STPG2: variants seen among roughly 807,000 people sequenced by gnomAD.
The protein encoded by STPG2 is sperm-tail PG-rich repeat-containing protein 2.
STPG2 carries 56 observed loss-of-function variants against 54.2 expected under a neutral mutation model. The ratio of observed to expected loss-of-function variants is 1.03; its 90% CI spans 0.83 to 1.29. The LOEUF (loss-of-function observed/expected upper bound fraction) is 1.29. STPG2 is among the 50% of genes most tolerant of loss of function. STPG2 has a pLI of 0.00. For synonymous variants in STPG2, 200 were observed against 181.8 expected, an observed-to-expected ratio of 1.10 and a Z score of -0.81; for missense variants, 596 against 544.9, an observed-to-expected ratio of 1.09 and a Z score of -0.93.
intron 8 of STPG2, among the ~76,000 whole-genome samples, chr4:97,845,574 A>G (rs1728924957): frequency 6.6e-6 from 1 of 152,170 alleles, no homozygotes; most frequent in Non-Finnish European, 1.5e-5. Context: ...ACATTTTAAA[A>G]CTATTGACCG....
chr4:97,965,627 T>C (rs1734070207), intron 7 of STPG2, among the ~76,000 whole-genome samples: 1 of 152,192 alleles, frequency 6.6e-6, no homozygotes, highest in African/African-American at 2.4e-5. Flanking sequence ...GGTGCCCCTC[T>C]GGGACGAAGC....
intron 5 of STPG2, among the ~76,000 whole-genome samples, chr4:98,078,714 C>T (rs1247250154): frequency 2.0e-5 from 3 of 152,054 alleles, no homozygotes; most frequent in African/African-American, 7.2e-5. Flanking sequence ...GTGCTTGCCA[C>T]CACAGAAAGA....
chr4:98,087,354 A>G (rs1364148324), intron 5 of STPG2, among the ~76,000 whole-genome samples: 1 of 152,144 alleles, frequency 6.6e-6, no homozygotes, highest in African/African-American at 2.4e-5. Flanking sequence ...CCCAGCTTCT[A>G]TTAAAAGCCC....
At chr4:97,993,491 G>A (rs1357509794) in intron 5 of STPG2, among the ~76,000 whole-genome samples, 1 of 151,682 alleles carries the variant, frequency 6.6e-6, no homozygotes, top group East Asian at 1.9e-4. Context: ...GTATTTTGTT[G>A]AGGATTTTTG....
intron 9 of STPG2, among the ~76,000 whole-genome samples, chr4:97,821,128 G>T (rs1728077966): frequency 6.6e-6 from 1 of 152,064 alleles, no homozygotes; most frequent in African/African-American, 2.4e-5. Context: ...TCAAAAACAG[G>T]TAGTTACTTT....
At chr4:97,856,082 G>A (rs983435564) in intron 8 of STPG2, among the ~76,000 whole-genome samples, 1 of 152,128 alleles carries the variant, frequency 6.6e-6, no homozygotes, top group African/African-American at 2.4e-5. Context: ...CCGGACTATA[G>A]TGTGAAGTCA....
chr4:97,475,235 C>A (rs1252465922), intron 4 of STPG2, among the ~76,000 whole-genome samples: 1 of 151,634 alleles, frequency 6.6e-6, no homozygotes, highest in East Asian at 1.9e-4. Flanking sequence ...CTTTATTTTG[C>A]CAAACTTTTG....
chr4:97,836,457 T>G (rs1728635620), intron 9 of STPG2, among the ~76,000 whole-genome samples: 1 of 151,920 alleles, frequency 6.6e-6, no homozygotes, highest in African/African-American at 2.4e-5. Context: ...TAGACTATAG[T>G]ATAGTCTAAA....
At chr4:98,079,194 C>T (rs950107672) in intron 5 of STPG2, among the ~76,000 whole-genome samples, 2 of 152,244 alleles carry the variant, frequency 1.3e-5, no homozygotes, top group East Asian at 3.9e-4. Context: ...TCTACATGGG[C>T]AGCCTGTTGA....
intron 10 of STPG2, among the ~76,000 whole-genome samples, chr4:97,698,738 G>T (rs890113508): frequency 2.6e-5 from 4 of 152,090 alleles, no homozygotes; most frequent in African/African-American, 9.7e-5. Flanking sequence ...CTTTGCCAGA[G>T]CCCGGCAAAG....
chr4:97,696,444 C>T (rs147808819), intron 10 of STPG2, among the ~76,000 whole-genome samples: 197 of 152,278 alleles, frequency 1.3e-3, no homozygotes, highest in African/African-American at 3.6e-3. Flanking sequence ...TTGGAAAAAC[C>T]CTTTTAGACA....
At chr4:97,599,556 G>A (rs530478251) in intron 10 of STPG2, among the ~76,000 whole-genome samples, 1 of 152,088 alleles carries the variant, frequency 6.6e-6, no homozygotes, top group Non-Finnish European at 1.5e-5. Context: ...GGGTGCGGTG[G>A]CTCATGCCTG....
intron 8 of STPG2, among the ~76,000 whole-genome samples, chr4:97,864,397 C>A (rs540297766): frequency 4.7e-4 from 72 of 152,258 alleles, no homozygotes; most frequent in Non-Finnish European, 9.0e-4. Context: ...CGTGAAGGAT[C>A]TCTTCAAGGA....
chr4:97,701,231 C>G (rs1723764762), intron 10 of STPG2, among the ~76,000 whole-genome samples: 1 of 152,170 alleles, frequency 6.6e-6, no homozygotes, highest in African/African-American at 2.4e-5. Context: ...CTAAGTATGT[C>G]TATGCCAGTT....
chr4:97,763,507 G>A (rs554467702), intron 9 of STPG2, among the ~76,000 whole-genome samples: 1 of 152,212 alleles, frequency 6.6e-6, no homozygotes, highest in African/African-American at 2.4e-5. Context: ...TTCTATGATA[G>A]GTGACATGTA....
Position 97,782,067 on chromosome 4 carries a change from G to A in STPG2, c.1204+58706C>T, listed in dbSNP as rs565772052. 1.4e-4 allele frequency among the ~76,000 whole-genome samples: 21 copies of A among 152,230 alleles called. No homozygotes were observed. In the East Asian group the frequency reaches 2.9e-3, roughly 21 times the overall value. On this transcript the variant is annotated intron_variant, in intron 9 of 10. Transcript: ENST00000295268. ...CACCACTCCTATTCAGCATAGTGTTGGAAGTTCTGGCCAGGGCAATCAGGC... is the reference window on the plus strand; with the variant it reads ...CACCACTCCTATTCAGCATAGTGTTAGAAGTTCTGGCCAGGGCAATCAGGC...
In STPG2 at chr4:97,488,610, G is replaced by A. The variant is rs577890832; in HGVS notation, c.462+224089C>T. Among the ~76,000 whole-genome samples, 5 of 151,804 alleles carry A rather than the reference G, an allele frequency of 3.3e-5. No homozygotes were observed. The East Asian group carries it at 7.8e-4, about 24-fold the overall frequency. On this transcript the variant is annotated intron_variant, in intron 4 of 4. Coordinates refer to the STPG2 transcript ENST00000522676. ...GTAGGTGAGAGGAGTGGGTAAGTAG[G>A]CAGTCTTTCAGAAACCCAGACTCAT...
chr4:98,083,188 A>G (rs1006032798), intron 5 of STPG2, among the ~76,000 whole-genome samples: 4 of 152,154 alleles, frequency 2.6e-5, no homozygotes, highest in African/African-American at 9.7e-5. Context: ...AATCAGTCCC[A>G]TCTCAGAAAA....
chr4:97,644,962 T>C (rs183968577), intron 10 of STPG2, among the ~76,000 whole-genome samples: 72 of 152,098 alleles, frequency 4.7e-4, no homozygotes, highest in African/African-American at 4.3e-4. Context: ...ATGCTCAAAA[T>C]TGGATAAAGT....
Sources: allele counts gnomAD v4.1 joint callset (sites outside exome capture counted in the v4.1 genomes callset), GRCh38; gene constraint gnomAD v4.1.1; transcripts MANE v1.5; gene names NCBI Gene and HGNC (gene_info 2026-07-23, HGNC 2026-07-21).